CCP110: variants seen among roughly 807,000 people sequenced by gnomAD.
CCP110 encodes the protein centriolar coiled-coil protein 110, also known as centriolar coiled-coil protein of 110 kDa.
Under a neutral mutation model 105.5 loss-of-function variants are expected in CCP110, and 43 were observed. The ratio of observed to expected loss-of-function variants is 0.41; its 90% CI spans 0.32 to 0.53. The LOEUF is 0.53. Ranked by LOEUF, CCP110 falls within the 20% of genes least tolerant of loss-of-function variation. CCP110 has a pLI of 0.32. For synonymous variants in CCP110, 353 were observed against 392.1 expected (o/e 0.90, Z 1.18); for missense variants, 1,016 against 1,189.1 (o/e 0.85, Z 2.14).
chr16:19,542,104 C>T, intron 6 of CCP110, 40 bp downstream of exon 6: 9 of 1,334,744 alleles, frequency 6.7e-6, no homozygotes, highest in Non-Finnish European at 9.3e-6. Context: ...GGAAAGTGAT[C>T]CTACGGTAAG....
chr16:19,526,527 ATTTG>A (rs1357445811), intron 1 of CCP110: 3 of 152,322 alleles, frequency 2.0e-5, no homozygotes, highest in South Asian at 2.1e-4. Flanking sequence ...GTAGAGAACC[ATTTG>A]TTTGTCATTA....
chr16:19,549,531 T>A (rs1970567612), intron 14 of CCP110, among the ~76,000 whole-genome samples: 1 of 152,194 alleles, frequency 6.6e-6, no homozygotes, highest in Admixed American at 6.5e-5. Flanking sequence ...GTCACACATA[T>A]ATAGGATAAT....
Position 19,547,949 on chromosome 16 carries a change from C to T in CCP110, c.2841-6C>T, listed in dbSNP as rs1396647766. 1.0e-5 allele frequency: 16 copies of T among 1,600,692 alleles called. No individual in the cohort carries two copies. The highest frequency in any genetic ancestry group is 1.4e-5 in the Non-Finnish European group (16 of 1,168,250). On this transcript the variant is annotated splice_polypyrimidine_tract_variant and splice_region_variant and intron_variant, in intron 12 of 14. Coordinates refer to ENST00000381396, the Ensembl canonical transcript of CCP110. The stretch of plus-strand genomic sequence containing the variant: ...TAAATTAATTTTTCATTTAATTTGT[C>T]AACAGAGTCCTTCAGCCAAACCAAG...
intron 8 of CCP110, 75 bp downstream of exon 8, chr16:19,543,069 G>A (rs1163475501): frequency 2.4e-6 from 2 of 829,676 alleles, no homozygotes; most frequent in Non-Finnish European, 4.0e-6. Flanking sequence ...TGAGCTAACA[G>A]ATTAGTTCAG....
chr16:19,526,588 A>C (rs1279865900), intron 1 of CCP110: 2 of 152,238 alleles, frequency 1.3e-5, no homozygotes, highest in Non-Finnish European at 2.9e-5. Context: ...CAATTGATTG[A>C]ATAGTAGGAA....
At chr16:19,527,944 C>T in exon 2 of CCP110, 1 of 1,613,332 alleles carries the variant, frequency 6.2e-7, no homozygotes, top group Non-Finnish European at 8.5e-7. Context: ...CATCACTATC[C>T]ACAGAGAGCT....
At chr16:19,551,162 T>C (rs1411952310) in intron 14 of CCP110, 34 bp from the exon 14 acceptor site, 5 of 1,350,710 alleles carry the variant, frequency 3.7e-6, no homozygotes, top group South Asian at 3.5e-5. Flanking sequence ...AAACCTCCCA[T>C]TGAGAAGTAA....
At chr16:19,551,280 G>A (rs150782203) in exon 15 of CCP110, 16 of 1,565,944 alleles carry the variant, frequency 1.0e-5, no homozygotes, top group African/African-American at 6.8e-5. Flanking sequence ...AAAATGGGGG[G>A]AAGGATTATT....
At chr16:19,527,204 G>A (rs1351955672) in intron 1 of CCP110, 1 of 152,074 alleles carries the variant, frequency 6.6e-6, no homozygotes, top group African/African-American at 2.4e-5. Flanking sequence ...CTCTGACTGA[G>A]TTGGCTGGTG....
Position 19,526,627 on chromosome 16 carries a change from G to GA in CCP110, c.-15-1234dup, listed in dbSNP as rs1422353740. ...GTTTTGTTATTGATTAAACTATTTA[G>GA]AAAAAATAGCATTATATCTTATTTT... On this transcript the variant is annotated intron_variant, in intron 1 of 14. Transcript: ENST00000381396. The GA allele has an allele frequency of 3.9e-5, 6 of 152,012 alleles. No homozygotes were observed. The East Asian group carries it at 7.7e-4, about 20-fold the overall frequency. 9.4% of individuals were successfully genotyped at this position (152,012 alleles called of 1,614,324 possible).
intron 5 of CCP110, 58 bp downstream of exon 5, chr16:19,540,845 G>T: frequency 6.4e-7 from 1 of 1,557,428 alleles, no homozygotes; most frequent in Non-Finnish European, 8.8e-7. Flanking sequence ...GGATACCTAT[G>T]AATTTTGGTC....
chr16:19,525,472 T>G (rs1434179537), intron 1 of CCP110: 1 of 152,220 alleles, frequency 6.6e-6, no homozygotes, highest in African/African-American at 2.4e-5. Flanking sequence ...GTAATTGTAG[T>G]GTGAAAGGCA....
chr16:19,536,381 T>C (rs780956167), exon 4 of CCP110: 5 of 1,612,626 alleles, frequency 3.1e-6, no homozygotes, highest in South Asian at 1.1e-5. Flanking sequence ...GTCAAAGGAA[T>C]ATATAGAAAG....
intron 10 of CCP110, among the ~76,000 whole-genome samples, chr16:19,545,516 C>G (rs1278115300): frequency 6.6e-6 from 1 of 151,962 alleles, no homozygotes; most frequent in Non-Finnish European, 1.5e-5. Flanking sequence ...GTGGGTTTTG[C>G]TTTTTTTGAA....
At position 19,536,828 on chromosome 16, in the gene CCP110, C is replaced by T. The variant is rs749048633; in HGVS notation, c.1159C>T (p.His387Tyr). 5.6e-6 allele frequency: 9 copies of T among 1,614,070 alleles called. No individual in the cohort carries two copies. In the South Asian group the frequency reaches 8.8e-5, roughly 16 times the overall value. ...ACGTTCCAGGACATCATCAGCGTGT[C>T]ATATACTTATAAATAACCCAATAAA... The change falls in exon 4 of 15, where the codon CAT becomes TAT. Residue 387 changes from histidine (H) to tyrosine (Y), a missense_variant. Physicochemically the swap from His to Tyr is moderately conservative, Grantham distance 83. Transcript: ENST00000381396.
chr16:19,524,493 G>A (rs1251671865), intron 1 of CCP110, among the ~76,000 whole-genome samples: 3 of 152,118 alleles, frequency 2.0e-5, no homozygotes, highest in African/African-American at 7.2e-5. Context: ...AGGCTTCCCC[G>A]GGGTGTGCAT....
At position 19,548,227 on chromosome 16, in the gene CCP110, G is replaced by T. The variant is rs528978884; in HGVS notation, c.2900+213G>T. ...TATTCTAATTACTGTCTTAAGTTGG[G>T]ATGTTTTTACTTTTCATTTCATACC... On this transcript the variant is annotated intron_variant, in intron 13 of 14. Transcript: ENST00000381396. The surrounding 1 kb of genome is among the most constrained non-coding windows in gnomAD (Gnocchi z 4.1). 2 of 580,906 alleles carry T rather than the reference G, an allele frequency of 3.4e-6. No individual in the cohort carries two copies. Among genetic ancestry groups the T allele is most frequent in the Admixed American group, 6.6e-5 (2 of 30,130 alleles). The allele number at this position is 580,906 out of a possible 1,614,324, so 36.0% of individuals were successfully genotyped here.
chr16:19,528,170 A>G, intron 2 of CCP110, 148 bp downstream of exon 2: 1 of 663,776 alleles, frequency 1.5e-6, no homozygotes, highest in South Asian at 2.5e-5. Context: ...TTTTTTACTT[A>G]CTATTATAGA....
intron 5 of CCP110, 110 bp downstream of exon 5, chr16:19,540,897 G>A: frequency 1.4e-6 from 1 of 715,080 alleles, no homozygotes; most frequent in African/African-American, 1.8e-5. Flanking sequence ...TATATCTTAA[G>A]GTAAGGGAGT....
Sources: gnomAD v4.1 joint callset for allele counts (sites outside exome capture counted in the v4.1 genomes callset) on GRCh38, gnomAD v4.1.1 for gene constraint, Gnocchi (gnomAD v3.1) non-coding constraint, MANE v1.5 for transcripts, NCBI Gene and HGNC (gene_info 2026-07-23, HGNC 2026-07-21) for gene names.